Variants in SYNPO2 observed in about 807,000 individuals in gnomAD.
SYNPO2 encodes the protein synaptopodin-2.
A neutral mutation model predicts 85.0 loss-of-function variants in SYNPO2; 56 were observed. That is an observed-to-expected ratio of 0.66 (90% CI 0.53 to 0.82). The LOEUF (loss-of-function observed/expected upper bound fraction) is 0.82. SYNPO2 is among the 40% of genes least tolerant of loss of function. The pLI, the probability that SYNPO2 is intolerant of heterozygous loss-of-function variation, is 0.00. For missense variants in SYNPO2, 1,575 were observed against 1,534.2 expected, an observed-to-expected ratio of 1.03 and a Z score of -0.44; for synonymous variants, 602 against 591.1, an observed-to-expected ratio of 1.02 and a Z score of -0.27.
At chr4:118,966,387 C>T (rs962413124) in intron 1 of SYNPO2, among the ~76,000 whole-genome samples, 1 of 152,100 alleles carries the variant, frequency 6.6e-6, no homozygotes, top group African/African-American at 2.4e-5. Context: ...TGGGTAGAGA[C>T]GATAGATAGA....
intron 4 of SYNPO2, among the ~76,000 whole-genome samples, chr4:119,045,265 T>C (rs1261818449): frequency 6.6e-6 from 1 of 152,184 alleles, no homozygotes; most frequent in African/African-American, 2.4e-5. Flanking sequence ...ATTAAGTGCT[T>C]ACCATGTGCC....
chr4:118,946,957 C>A (rs1734525393), intron 1 of SYNPO2, among the ~76,000 whole-genome samples: 1 of 152,194 alleles, frequency 6.6e-6, no homozygotes, highest in African/African-American at 2.4e-5. Flanking sequence ...TTTCACTGAA[C>A]TTATTAGTTG....
chr4:118,904,647 A>G (rs4834715), intron 1 of SYNPO2, among the ~76,000 whole-genome samples: 36,246 of 151,684 alleles, frequency 0.24, 4,602 homozygotes, highest in East Asian at 0.38. Context: ...CCACCCCCAC[A>G]TGCTTGTCTT....
rs545076599 is a variant in SYNPO2 at position 119,060,356 on chromosome 4, T to C, written c.*2422T>C. ...TCACAAGGAAAAAAACATTCTATAT[T>C]TGTAGCAGAAATCAGTGGTTTGAAA... On this transcript the variant is annotated 3_prime_UTR_variant, in exon 5 of 5. Coordinates refer to ENST00000307142, the MANE Select transcript of SYNPO2 (RefSeq NM_133477.3). The C allele has an allele frequency of 3.3e-5, 5 of 152,298 alleles. No homozygotes were observed. In the South Asian group the frequency reaches 1.0e-3, roughly 32 times the overall value. The allele number at this position is 152,298 out of a possible 1,614,324, so 9.4% of individuals were successfully genotyped here. A position where few individuals can be genotyped will look rare whatever the true frequency, so the allele number is the denominator to read the frequency against.
chr4:118,940,296 C>T (rs574879428), intron 1 of SYNPO2, among the ~76,000 whole-genome samples: 33 of 152,132 alleles, frequency 2.2e-4, no homozygotes, highest in African/African-American at 7.5e-4. Context: ...CGCCTTTTCT[C>T]TCTTTTAAGC....
chr4:118,867,489 A>C (rs1249931733), intron 1 of SYNPO2, among the ~76,000 whole-genome samples: 1 of 142,622 alleles, frequency 7.0e-6, no homozygotes, highest in Non-Finnish European at 1.5e-5. Flanking sequence ...TTTCAGTCTT[A>C]GACTGCCTCT....
At chr4:118,980,042 G>C (rs1341028688) in intron 1 of SYNPO2, among the ~76,000 whole-genome samples, 2 of 152,164 alleles carry the variant, frequency 1.3e-5, no homozygotes, top group African/African-American at 4.8e-5. Flanking sequence ...GAAGAATAAA[G>C]TTGGATACAT....
intron 1 of SYNPO2, among the ~76,000 whole-genome samples, chr4:119,022,695 T>G (rs1294472530): frequency 3.0e-5 from 4 of 131,918 alleles, no homozygotes; most frequent in East Asian, 2.1e-4. Flanking sequence ...TAATTGTATT[T>G]TATTTTATTT....
intron 1 of SYNPO2, among the ~76,000 whole-genome samples, chr4:118,870,744 T>C (rs1359729584): frequency 1.3e-5 from 2 of 151,762 alleles, no homozygotes; most frequent in African/African-American, 2.4e-5. Flanking sequence ...CTGTAGGGGG[T>C]ATGGGGGAGG....
intron 1 of SYNPO2, among the ~76,000 whole-genome samples, chr4:118,962,178 A>G (rs1397714183): frequency 1.3e-5 from 2 of 152,140 alleles, no homozygotes; most frequent in Admixed American, 1.3e-4. Flanking sequence ...TCACTGAGGG[A>G]CTGCTTTTTG....
At chr4:118,976,063 T>G (rs935754081) in intron 1 of SYNPO2, among the ~76,000 whole-genome samples, 4 of 152,238 alleles carry the variant, frequency 2.6e-5, no homozygotes, top group Non-Finnish European at 5.9e-5. Flanking sequence ...CTGGATTGAC[T>G]CTAGTGACTT....
chr4:118,935,467 TA>T (rs1351863305), intron 1 of SYNPO2, among the ~76,000 whole-genome samples: 1 of 152,286 alleles, frequency 6.6e-6, no homozygotes, highest in African/African-American at 2.4e-5. Flanking sequence ...TAAATCAATG[TA>T]TACATAATAA....
At chr4:118,850,886 GA>G (rs1263134298) in exon 1 of SYNPO2, 1 of 398,544 alleles carries the variant, frequency 2.5e-6, no homozygotes. Flanking sequence ...TGAGGAATGA[GA>G]AAGGAAGAAA....
chr4:119,025,381 G>A (rs1029003908), intron 2 of SYNPO2, among the ~76,000 whole-genome samples: 15 of 151,952 alleles, frequency 9.9e-5, no homozygotes, highest in South Asian at 2.1e-4. Flanking sequence ...TTTTTAATAC[G>A]ATATTATAAT....
intron 1 of SYNPO2, among the ~76,000 whole-genome samples, chr4:118,909,242 G>A (rs555106130): frequency 6.6e-6 from 1 of 152,340 alleles, no homozygotes; most frequent in African/African-American, 2.4e-5. Context: ...AAACATACGG[G>A]GGATGAGAAC....
Position 118,945,627 on chromosome 4 carries a change from A to G in SYNPO2, c.105+56486A>G, listed in dbSNP as rs561465026. ...ATTTTCCAAAGTTTCATAACACAACATACCTACCTCAAAACTAGGGTACTA... is the reference window on the plus strand; with the variant it reads ...ATTTTCCAAAGTTTCATAACACAACGTACCTACCTCAAAACTAGGGTACTA... On this transcript the variant is annotated intron_variant, in intron 1 of 4. Coordinates refer to ENST00000307142, the MANE Select transcript of SYNPO2 (RefSeq NM_133477.3). 9.2e-5 allele frequency among the ~76,000 whole-genome samples: 14 copies of G among 152,356 alleles called. No individual in the cohort carries two copies. The East Asian group carries it at 2.1e-3, about 23-fold the overall frequency.
At chr4:118,881,808 G>T (rs1373383710) in intron 1 of SYNPO2, among the ~76,000 whole-genome samples, 2 of 152,194 alleles carry the variant, frequency 1.3e-5, no homozygotes, top group Non-Finnish European at 2.9e-5. Context: ...ATGCTACCGA[G>T]CACCACCCCA....
At chr4:118,937,068 C>T (rs1734134101) in intron 1 of SYNPO2, among the ~76,000 whole-genome samples, 1 of 152,142 alleles carries the variant, frequency 6.6e-6, no homozygotes, top group Non-Finnish European at 1.5e-5. Context: ...TTTCATCCTC[C>T]AGTCTGTTTT....
At chr4:119,026,165 A>G (rs1356848897) in intron 2 of SYNPO2, among the ~76,000 whole-genome samples, 2 of 152,210 alleles carry the variant, frequency 1.3e-5, no homozygotes, top group African/African-American at 2.4e-5. Flanking sequence ...CACAGCCTCT[A>G]AAAGGACTAG....
Sources: allele counts gnomAD v4.1 joint callset (sites outside exome capture counted in the v4.1 genomes callset), GRCh38; gene constraint gnomAD v4.1.1; transcripts MANE v1.5; gene names NCBI Gene and HGNC (gene_info 2026-07-23, HGNC 2026-07-21).